Variants in CA8 observed in about 807,000 individuals in gnomAD.
CA8 encodes carbonic anhydrase 8 (inactive), also known as carbonic anhydrase-related protein.
In CA8, 22 loss-of-function variants were observed where a neutral mutation model predicts 41.4. That is an observed-to-expected ratio of 0.53 (90% CI 0.38 to 0.76). The LOEUF is 0.76. Among genes scored for constraint, CA8 ranks in the 30% least tolerant of loss-of-function variants. The pLI, the probability that CA8 is intolerant of heterozygous loss-of-function variation, is 0.00. For missense variants in CA8, 270 were observed against 352.8 expected (o/e 0.77, Z 1.88); for synonymous variants, 121 against 130.6 (o/e 0.93, Z 0.50).
chr8:60,275,493 G>GT (rs1464902689), intron 2 of CA8, among the ~76,000 whole-genome samples: 4 of 151,704 alleles, frequency 2.6e-5, no homozygotes, highest in African/African-American at 7.3e-5. Context: ...TAATTGCAGC[G>GT]TAAGTTCAAT....
chr8:60,190,957 T>TATATATATATATATATATATACAC (rs1554573722), intron 8 of CA8, among the ~76,000 whole-genome samples: 167 of 104,160 alleles, frequency 1.6e-3, no homozygotes, highest in African/African-American at 3.9e-3. Flanking sequence ...TATATATATA[T>TATATATATATATATATATATACAC]ACACACACAC....
intron 3 of CA8, among the ~76,000 whole-genome samples, chr8:60,253,603 T>C (rs183968496): frequency 6.6e-6 from 1 of 152,248 alleles, no homozygotes; most frequent in Admixed American, 6.5e-5. Flanking sequence ...AGTTCTCGGT[T>C]GCCTCATCAA....
intron 3 of CA8, among the ~76,000 whole-genome samples, chr8:60,238,870 C>T (rs1030599041): frequency 6.6e-6 from 1 of 152,132 alleles, no homozygotes; most frequent in Non-Finnish European, 1.5e-5. Flanking sequence ...TCTGCCCTGA[C>T]ACCCAGACAA....
In CA8 at chr8:60,185,437, A is replaced by G. The variant is rs1805936326; in HGVS notation, c.*4584T>C. ...TAATGGCTCAAACATCCCAAATTTA[A>G]TATTTTTCTTAAAAAAAATCATTCA... On this transcript the variant is annotated 3_prime_UTR_variant, in exon 9 of 9. Coordinates refer to ENST00000317995, the MANE Select transcript of CA8 (RefSeq NM_004056.6). 6.6e-6 allele frequency among the ~76,000 whole-genome samples: 1 copy of G among 151,968 alleles called. No homozygotes were observed. The highest frequency in any genetic ancestry group is 1.5e-5 in the Non-Finnish European group (1 of 67,980).
intron 7 of CA8, among the ~76,000 whole-genome samples, chr8:60,209,410 A>G (rs1385947524): frequency 1.3e-5 from 2 of 151,672 alleles, no homozygotes; most frequent in African/African-American, 4.8e-5. Context: ...ACTTGAACCC[A>G]TGAGGCGGAG....
At chr8:60,241,618 T>A (rs1808030943) in intron 3 of CA8, among the ~76,000 whole-genome samples, 1 of 152,160 alleles carries the variant, frequency 6.6e-6, no homozygotes, top group Non-Finnish European at 1.5e-5. Context: ...CTTGGTGCAG[T>A]CATAGATCAA....
intron 8 of CA8, among the ~76,000 whole-genome samples, chr8:60,202,086 C>T (rs1317299815): frequency 1.3e-5 from 2 of 151,534 alleles, no homozygotes; most frequent in Non-Finnish European, 2.9e-5. Flanking sequence ...CTCTGTCGCC[C>T]AGGTTGGAGT....
At chr8:60,220,144 T>C (rs1478064358) in intron 7 of CA8, among the ~76,000 whole-genome samples, 10 of 152,126 alleles carry the variant, frequency 6.6e-5, no homozygotes, top group Non-Finnish European at 1.3e-4. Flanking sequence ...TCATGAATCT[T>C]GTTTGCAGTG....
At position 60,189,623 on chromosome 8, in the gene CA8, G is replaced by A. The variant is rs909117893; in HGVS notation, c.*398C>T. 1 of 151,920 alleles carries A rather than the reference G, an allele frequency of 6.6e-6. No individual in the cohort carries two copies. Among genetic ancestry groups the A allele is most frequent in the Non-Finnish European group, 1.5e-5 (1 of 67,952 alleles). The allele number at this position is 151,920 out of a possible 1,614,324, so 9.4% of individuals were successfully genotyped here. A position where few individuals can be genotyped will look rare whatever the true frequency, so the allele number is the denominator to read the frequency against. On this transcript the variant is annotated 3_prime_UTR_variant, in exon 9 of 9. Coordinates refer to ENST00000317995, the MANE Select transcript of CA8 (RefSeq NM_004056.6). ...ATGAGTGAATTTTCTGTTGGAGACA[G>A]GAAATGAAGAACTACTAACACCGGG...
chr8:60,234,009 T>G (rs527615636), intron 3 of CA8, among the ~76,000 whole-genome samples: 34 of 152,282 alleles, frequency 2.2e-4, no homozygotes, highest in Admixed American at 5.2e-4. Context: ...GGGATAAAAA[T>G]AGTGACTTTA....
intron 3 of CA8, among the ~76,000 whole-genome samples, chr8:60,249,051 G>A (rs1204799293): frequency 1.3e-5 from 2 of 151,928 alleles, no homozygotes; most frequent in South Asian, 4.1e-4. Flanking sequence ...TCAAGATTTG[G>A]TCCATTGACT....
chr8:60,218,979 T>G (rs759336599), intron 7 of CA8, among the ~76,000 whole-genome samples: 2 of 151,456 alleles, frequency 1.3e-5, no homozygotes, highest in Non-Finnish European at 2.9e-5. Context: ...AGCAACTAGA[T>G]AGCAAACAGA....
intron 8 of CA8, among the ~76,000 whole-genome samples, chr8:60,204,767 A>C (rs984896511): frequency 7.2e-5 from 11 of 152,166 alleles, no homozygotes; most frequent in Non-Finnish European, 2.9e-5. Context: ...ACCATGTTAA[A>C]TTATCAGAGG....
At chr8:60,246,984 C>T (rs1483533485) in intron 3 of CA8, among the ~76,000 whole-genome samples, 4 of 150,290 alleles carry the variant, frequency 2.7e-5, no homozygotes, top group African/African-American at 9.8e-5. Flanking sequence ...CCCAGGTTCA[C>T]GCCATTCTCC....
At chr8:60,280,943 T>TG (rs1307273511) in intron 1 of CA8, 105 bp downstream of exon 1, 2 of 808,764 alleles carry the variant, frequency 2.5e-6, no homozygotes, top group Non-Finnish European at 4.2e-6. Flanking sequence ...AGAGGGGGCG[T>TG]GGGGGTGCTC....
chr8:60,237,842 A>G (rs1039453787), intron 3 of CA8, among the ~76,000 whole-genome samples: 3 of 152,122 alleles, frequency 2.0e-5, no homozygotes, highest in Admixed American at 2.0e-4. Flanking sequence ...GTCCTTCCTC[A>G]CTCCTTATAA....
chr8:60,192,124 T>C (rs1289444907), intron 8 of CA8, among the ~76,000 whole-genome samples: 2 of 152,136 alleles, frequency 1.3e-5, no homozygotes, highest in Non-Finnish European at 2.9e-5. Context: ...CAAGATCATA[T>C]GATGATGATC....
chr8:60,205,312 G>A (rs1806542442), intron 8 of CA8, among the ~76,000 whole-genome samples: 1 of 152,034 alleles, frequency 6.6e-6, no homozygotes, highest in Non-Finnish European at 1.5e-5. Context: ...CAATATTTAG[G>A]TCACAAGCGA....
At chr8:60,232,091 G>A (rs1490180998) in intron 4 of CA8, among the ~76,000 whole-genome samples, 193 bp downstream of exon 4, 1 of 152,012 alleles carries the variant, frequency 6.6e-6, no homozygotes, top group East Asian at 1.9e-4. Context: ...ATAAATAAAG[G>A]AACTATTTTC....
Sources: allele counts gnomAD v4.1 joint callset (sites outside exome capture counted in the v4.1 genomes callset), GRCh38; gene constraint gnomAD v4.1.1; transcripts MANE v1.5; gene names NCBI Gene and HGNC (gene_info 2026-07-23, HGNC 2026-07-21).